The following IFT74 variants were observed in gnomAD, a reference collection of about 807,000 sequenced individuals.
IFT74 encodes intraflagellar transport protein 74 homolog.
In IFT74, 92 loss-of-function variants were observed where a neutral mutation model predicts 96.7. The observed-to-expected ratio is 0.95, with a 90% confidence interval of 0.80 to 1.13. The LOEUF is 1.13. IFT74 is among the 50% of genes most tolerant of loss of function. The probability of loss-of-function intolerance (pLI) is 0.00; values close to 1 mark genes in which losing one functional copy is unlikely to be tolerated. For synonymous variants in IFT74, 223 were observed against 213.2 expected, an observed-to-expected ratio of 1.05 and a Z score of -0.40; for missense variants, 811 against 698.2, an observed-to-expected ratio of 1.16 and a Z score of -1.82.
At chr9:26,999,446 T>C (rs978930718) in intron 8 of IFT74, among the ~76,000 whole-genome samples, 2 of 152,200 alleles carry the variant, frequency 1.3e-5, no homozygotes. Flanking sequence ...TTTTTATAAA[T>C]GAAGGCTGCT....
At chr9:26,960,998 G>T (rs1376775019) in intron 1 of IFT74, among the ~76,000 whole-genome samples, 2 of 150,846 alleles carry the variant, frequency 1.3e-5, no homozygotes, top group Non-Finnish European at 2.9e-5. Flanking sequence ...ATAGAGGAGA[G>T]ATTAGGAAGT....
In IFT74 at chr9:27,009,057, G is replaced by C. The variant is rs753577983; in HGVS notation, c.625G>C (p.Glu209Gln). The C allele has an allele frequency of 6.2e-7, 1 of 1,612,990 alleles. No homozygotes were observed. Among genetic ancestry groups the C allele is most frequent in the Non-Finnish European group, 8.5e-7 (1 of 1,179,342 alleles). Reference sequence around the variant, plus strand: ...AATCAGAAGTGTCGAAGAAGAAATTGAACAGGAAAAACAAGCAACAGATGA... The same window carrying C: ...AATCAGAAGTGTCGAAGAAGAAATTCAACAGGAAAAACAAGCAACAGATGA... ...KQIRSVEEEIEQEKQATDDII... is the reference protein window; with the variant it reads ...KQIRSVEEEIQQEKQATDDII... The change falls in exon 9 of 20, where the codon GAA becomes CAA. Residue 209 changes from glutamate to glutamine, a missense_variant. Glu to Gln is a conservative substitution (Grantham distance 29, BLOSUM62 2). Transcript: ENST00000380062.
rs181918889 is a variant in IFT74 at position 27,065,934 on chromosome 9, T to G, written c.*3198T>G. On this transcript the variant is annotated 3_prime_UTR_variant, in exon 20 of 20. Coordinates refer to ENST00000380062, the MANE Select transcript of IFT74 (RefSeq NM_025103.4). ...AATTGTAAGTTTACAGTTTGATAAC[T>G]GAAAAACATTTTTAAAAAGGCAATT... 6.6e-6 allele frequency among the ~76,000 whole-genome samples: 1 copy of G among 152,170 alleles called. No homozygotes were observed. Among genetic ancestry groups the G allele is most frequent in the Non-Finnish European group, 1.5e-5 (1 of 68,018 alleles).
chr9:26,953,048 A>G (rs1026511956), upstream of IFT74, among the ~76,000 whole-genome samples: 2 of 152,184 alleles, frequency 1.3e-5, no homozygotes, highest in African/African-American at 4.8e-5. Flanking sequence ...CTTTTAGGAG[A>G]ACAAATAAGA....
intron 2 of IFT74, among the ~76,000 whole-genome samples, chr9:26,966,609 T>C (rs1342408973): frequency 6.6e-6 from 1 of 152,148 alleles, no homozygotes; most frequent in African/African-American, 2.4e-5. Flanking sequence ...TCATATATTT[T>C]CTCCTATTAT....
Position 27,036,508 on chromosome 9 carries a change from A to G in IFT74, c.1054+7404A>G, listed in dbSNP as rs757137040. Reference sequence around the variant, plus strand: ...AAAATACAGGAAGTTTCAAAAAGCAAGTTTGAACCTGCCATGTGCTAAGCA... The same window carrying G: ...AAAATACAGGAAGTTTCAAAAAGCAGGTTTGAACCTGCCATGTGCTAAGCA... On this transcript the variant is annotated intron_variant, in intron 13 of 19. Coordinates refer to ENST00000380062, the MANE Select transcript of IFT74 (RefSeq NM_025103.4). The G allele has an allele frequency of 1.9e-6, 3 of 1,613,836 alleles. 1 individual carries two copies. In the South Asian group the frequency reaches 3.3e-5, roughly 18 times the overall value.
At chr9:27,035,648 T>G (rs1819138672) in intron 13 of IFT74, among the ~76,000 whole-genome samples, 1 of 152,238 alleles carries the variant, frequency 6.6e-6, no homozygotes, top group Non-Finnish European at 1.5e-5. Flanking sequence ...GACCATATGT[T>G]TAGTATATGC....
intron 12 of IFT74, among the ~76,000 whole-genome samples, chr9:27,022,780 C>G (rs558248245): frequency 4.0e-4 from 60 of 151,878 alleles, no homozygotes; most frequent in Non-Finnish European, 8.2e-4. Context: ...GTAGCTGGGA[C>G]TAAAGGCACG....
intron 6 of IFT74, 126 bp downstream of exon 6, chr9:26,984,685 C>T: frequency 3.0e-6 from 2 of 657,592 alleles, no homozygotes; most frequent in Non-Finnish European, 5.1e-6. Context: ...AACATGCAGC[C>T]AACAAGCATA....
intron 8 of IFT74, among the ~76,000 whole-genome samples, chr9:27,000,639 G>A (rs948941611): frequency 6.6e-6 from 1 of 152,086 alleles, no homozygotes; most frequent in African/African-American, 2.4e-5. Context: ...CTTTATAATG[G>A]AAACATTCAA....
chr9:26,949,464 A>G (rs1430038522), intron 1 of IFT74, among the ~76,000 whole-genome samples: 3 of 152,180 alleles, frequency 2.0e-5, no homozygotes, highest in Non-Finnish European at 4.4e-5. Flanking sequence ...TCAAGTAAGT[A>G]TATTTTCTTA....
At chr9:27,026,996 T>G (rs1039175531) in intron 12 of IFT74, among the ~76,000 whole-genome samples, 2 of 151,730 alleles carry the variant, frequency 1.3e-5, no homozygotes, top group African/African-American at 4.8e-5. Context: ...TAAATTAAAT[T>G]GAAACAAAAA....
intron 2 of IFT74, among the ~76,000 whole-genome samples, chr9:26,963,001 A>C (rs952924348): frequency 1.3e-5 from 2 of 149,700 alleles, no homozygotes; most frequent in Admixed American, 1.3e-4. Flanking sequence ...GTACATGTGC[A>C]CATTGTGCAG....
intron 9 of IFT74, 31 bp from the exon 10 acceptor site, chr9:27,011,875 G>T: frequency 1.4e-6 from 2 of 1,448,520 alleles, no homozygotes; most frequent in South Asian, 1.4e-5. Flanking sequence ...ATGTAATTTG[G>T]ATTTATGTTT....
chr9:27,001,103 G>A (rs1164594833), intron 8 of IFT74, among the ~76,000 whole-genome samples: 3 of 151,894 alleles, frequency 2.0e-5, no homozygotes, highest in African/African-American at 7.3e-5. Context: ...AATGACCTCC[G>A]GTTCCGTTTT....
intron 3 of IFT74, among the ~76,000 whole-genome samples, chr9:26,979,321 G>C (rs1436472709): frequency 6.6e-6 from 1 of 151,996 alleles, no homozygotes; most frequent in Non-Finnish European, 1.5e-5. Flanking sequence ...GAAAGTGGAT[G>C]CACAGAAATA....
chr9:27,060,459 G>T, intron 18 of IFT74, 132 bp from the exon 19 acceptor site: 1 of 447,810 alleles, frequency 2.2e-6, no homozygotes, highest in Non-Finnish European at 4.1e-6. Flanking sequence ...TTTCTACCGT[G>T]GCTTTATCTC....
chr9:27,038,245 C>G (rs2131667625), intron 13 of IFT74, among the ~76,000 whole-genome samples: 1 of 152,150 alleles, frequency 6.6e-6, no homozygotes. Context: ...GTGCAGAAGT[C>G]AGGAATATGG....
intron 8 of IFT74, among the ~76,000 whole-genome samples, chr9:27,004,055 T>G (rs995266841): frequency 2.0e-5 from 3 of 151,974 alleles, no homozygotes; most frequent in Non-Finnish European, 4.4e-5. Context: ...AGGATGGGGA[T>G]AGTGAAAGAA....
Sources: allele counts gnomAD v4.1 joint callset (sites outside exome capture counted in the v4.1 genomes callset), GRCh38; gene constraint gnomAD v4.1.1; transcripts MANE v1.5; gene names NCBI Gene and HGNC (gene_info 2026-07-23, HGNC 2026-07-21).